CUL2: variants seen among roughly 807,000 people sequenced by gnomAD.
The protein encoded by CUL2 is cullin-2.
A neutral mutation model predicts 110.2 loss-of-function variants in CUL2; 22 were observed. That is an observed-to-expected ratio of 0.20 (90% CI 0.14 to 0.28). The LOEUF is 0.28. Ranked by LOEUF, CUL2 falls within the 10% of genes least tolerant of loss-of-function variation. CUL2 has a pLI of 1.00. For synonymous variants in CUL2, 279 were observed against 293.2 expected (o/e 0.95, Z 0.49); for missense variants, 631 against 905.5 (o/e 0.70, Z 3.89).
At chr10:35,124,051 C>T (rs1309934026) in intron 1 of CUL2, among the ~76,000 whole-genome samples, 4 of 152,162 alleles carry the variant, frequency 2.6e-5, no homozygotes, top group African/African-American at 9.7e-5. Context: ...AAGTGGCAGG[C>T]TTATGCCTGT....
chr10:35,030,464 C>A (rs781366207), intron 14 of CUL2, among the ~76,000 whole-genome samples: 31 of 152,058 alleles, frequency 2.0e-4, no homozygotes, highest in Non-Finnish European at 2.6e-4. Flanking sequence ...CTCACAGCAG[C>A]CTTGATGTCC....
rs538012622 is a variant in CUL2 at position 35,081,959 on chromosome 10, A to G, written c.-23+8220T>C. Among the ~76,000 whole-genome samples the G allele has an allele frequency of 5.3e-5, 8 of 152,304 alleles. No individual in the cohort carries two copies. In the East Asian group the frequency reaches 1.4e-3, roughly 26 times the overall value. Reference sequence around the variant, plus strand: ...AAGGGGATACAGTTATGGCAGATGCATATCAATTAACCCTCTAGCAACTTT... The same window carrying G: ...AAGGGGATACAGTTATGGCAGATGCGTATCAATTAACCCTCTAGCAACTTT... On this transcript the variant is annotated intron_variant, in intron 1 of 20. Transcript: ENST00000374749.
intron 6 of CUL2, among the ~76,000 whole-genome samples, chr10:35,045,652 G>C (rs959413276): frequency 6.6e-6 from 1 of 151,922 alleles, no homozygotes; most frequent in Non-Finnish European, 1.5e-5. Flanking sequence ...GAGGAGTCGA[G>C]GCTACAGTGA....
intron 20 of CUL2, among the ~76,000 whole-genome samples, chr10:35,011,224 T>G (rs1191770510): frequency 1.3e-5 from 2 of 150,296 alleles, no homozygotes; most frequent in Non-Finnish European, 3.0e-5. Flanking sequence ...TTTTTTTTTT[T>G]TTTTTTTTAG....
At chr10:35,092,966 T>C (rs1339139684), upstream of CUL2, among the ~76,000 whole-genome samples, 1 of 152,132 alleles carries the variant, frequency 6.6e-6, no homozygotes, top group East Asian at 1.9e-4. Context: ...CCCCAGTTGC[T>C]CCTATAAATA....
Position 35,071,343 on chromosome 10 carries a change from T to A in CUL2, c.-22-4A>T, listed in dbSNP as rs759202896. On this transcript the variant is annotated splice_polypyrimidine_tract_variant and splice_region_variant and intron_variant, in intron 1 of 20. Transcript: ENST00000374749. ...TGTGCAAGTGTAGTGTTGAAATCTG[T>A]CAATTAAAAAACAATAACAATGTTA... 1 of 1,600,672 alleles carries A rather than the reference T, an allele frequency of 6.2e-7. No homozygotes were observed. Among genetic ancestry groups the A allele is most frequent in the Non-Finnish European group, 8.5e-7 (1 of 1,171,866 alleles).
chr10:35,062,001 T>TA (rs1370386529), intron 3 of CUL2, among the ~76,000 whole-genome samples: 2 of 152,122 alleles, frequency 1.3e-5, no homozygotes, highest in Non-Finnish European at 2.9e-5. Flanking sequence ...ATTTTATAGA[T>TA]AAAGTCAAAA....
chr10:35,082,644 G>A (rs903185165), intron 1 of CUL2, among the ~76,000 whole-genome samples: 2 of 152,126 alleles, frequency 1.3e-5, no homozygotes, highest in African/African-American at 2.4e-5. Flanking sequence ...GAATCTCACT[G>A]CAAAATGCTC....
intron 19 of CUL2, among the ~76,000 whole-genome samples, chr10:35,012,594 C>A (rs1368897072): frequency 6.6e-6 from 1 of 152,136 alleles, no homozygotes; most frequent in Non-Finnish European, 1.5e-5. Flanking sequence ...GCAGACCATG[C>A]CACATTAAGA....
intron 17 of CUL2, among the ~76,000 whole-genome samples, chr10:35,020,404 T>C (rs2085153728): frequency 6.6e-6 from 1 of 152,224 alleles, no homozygotes; most frequent in South Asian, 2.1e-4. Flanking sequence ...TCCCTCCCTA[T>C]TTTTAGCTGT....
chr10:35,018,104 C>T (rs1269925956), intron 17 of CUL2, among the ~76,000 whole-genome samples: 1 of 136,454 alleles, frequency 7.3e-6, no homozygotes, highest in Admixed American at 7.8e-5. Context: ...CGGTGAAACC[C>T]CTGCTCTACT....
chr10:35,028,817 A>G lies in CUL2; in HGVS notation c.1610T>C (p.Val537Ala). ...TATTTCCTGCAAACTTACCATCTGT[A>G]CACTTTTTTCTAATTCCTGGGGAAT... Reference protein sequence around the residue: ...FAIPQELEKSVQMFELFYSQH... With the variant: ...FAIPQELEKSAQMFELFYSQH... Residue 537 changes from valine to alanine, a missense_variant, in exon 16 of 21, where the codon GTA becomes GCA. Physicochemically the swap from Val to Ala is moderately conservative, Grantham distance 64 (BLOSUM62 0). This residue lies in a region of CUL2 where 134 missense variants were observed against 260.4 expected (regional missense o/e 0.51). Transcript: ENST00000374749. 1 of 1,607,340 alleles carries G rather than the reference A, an allele frequency of 6.2e-7. No homozygotes were observed. The highest frequency in any genetic ancestry group is 1.3e-5 in the African/African-American group (1 of 74,866).
intron 2 of CUL2, among the ~76,000 whole-genome samples, chr10:35,097,007 A>G (rs746062698): frequency 5.3e-5 from 8 of 151,884 alleles, no homozygotes; most frequent in Non-Finnish European, 8.8e-5. Flanking sequence ...ACGGGGTTTC[A>G]CCATGTTGGC....
chr10:35,110,434 G>A (rs1051914905), intron 1 of CUL2, among the ~76,000 whole-genome samples: 8 of 152,098 alleles, frequency 5.3e-5, no homozygotes, highest in African/African-American at 1.9e-4. Context: ...GTGTGGTGGT[G>A]CACGCCTATA....
intron 1 of CUL2, among the ~76,000 whole-genome samples, chr10:35,108,999 G>A (rs909463527): frequency 5.9e-5 from 9 of 152,250 alleles, no homozygotes; most frequent in South Asian, 2.1e-4. Context: ...GACCACCTGC[G>A]CTCAGGAGTT....
chr10:35,115,831 T>C (rs981541880), intron 1 of CUL2, among the ~76,000 whole-genome samples: 12 of 152,034 alleles, frequency 7.9e-5, no homozygotes, highest in African/African-American at 2.7e-4. Flanking sequence ...AGGCTGAGGC[T>C]GAAGTGAGCC....
chr10:35,013,116 G>A (rs1469420115), intron 19 of CUL2, among the ~76,000 whole-genome samples: 1 of 152,026 alleles, frequency 6.6e-6, no homozygotes, highest in Non-Finnish European at 1.5e-5. Flanking sequence ...TGAGGCGGGC[G>A]GATCACGATG....
chr10:35,021,893 AGGTGGGGTG>A (rs2085208408), intron 17 of CUL2, among the ~76,000 whole-genome samples: 1 of 34,014 alleles, frequency 2.9e-5, no homozygotes, highest in Admixed American at 4.1e-4. Context: ...AGGTGGGGTG[AGGTGGGGTG>A]AGGTGGGGCG....
At position 35,075,352 on chromosome 10, in the gene CUL2, G is replaced by A. The variant is rs752593659; in HGVS notation, c.-22-4013C>T. 2.1e-4 allele frequency among the ~76,000 whole-genome samples: 32 copies of A among 152,086 alleles called. 1 individual carries two copies. The highest frequency in any genetic ancestry group is 4.0e-4 in the Non-Finnish European group (27 of 68,040). On this transcript the variant is annotated intron_variant, in intron 1 of 20. Coordinates refer to ENST00000374749, the MANE Select transcript of CUL2 (RefSeq NM_003591.4). ...TAACATTCAGGGAAAGTTTACACAA[G>A]GATGTGAAAGAGACAGGGCAAAGAA...
Sources: gnomAD v4.1 joint callset for allele counts (sites outside exome capture counted in the v4.1 genomes callset) on GRCh38, gnomAD v4.1.1 for gene constraint, gnomAD v4.1.1 regional missense constraint, MANE v1.5 for transcripts, NCBI Gene and HGNC (gene_info 2026-07-23, HGNC 2026-07-21) for gene names.